Variants in EVC2 observed in about 807,000 individuals in gnomAD.
The protein encoded by EVC2 is EvC ciliary complex subunit 2.
In EVC2, 148 loss-of-function variants were observed where a neutral mutation model predicts 149.3. That is an observed-to-expected ratio of 0.99 (90% confidence interval 0.87 to 1.14). EVC2 has a LOEUF of 1.14. EVC2 is among the 50% of genes most tolerant of loss of function. The probability of loss-of-function intolerance (pLI) is 0.00; values close to 1 mark genes in which losing one functional copy is unlikely to be tolerated. For missense variants in EVC2, 1,854 were observed against 1,627.3 expected (o/e 1.14, Z -2.40); for synonymous variants, 776 against 649.9 (o/e 1.19, Z -2.95).
intron 13 of EVC2, among the ~76,000 whole-genome samples, chr4:5,623,491 C>A: frequency 6.6e-6 from 1 of 151,990 alleles, no homozygotes; most frequent in East Asian, 1.9e-4. Context: ...AGGTGTGTAC[C>A]ACCACACCCA....
chr4:5,552,995 A>T (rs531710686), intron 21 of EVC2, among the ~76,000 whole-genome samples: 85 of 152,330 alleles, frequency 5.6e-4, no homozygotes, highest in African/African-American at 2.0e-3. Context: ...TGTGTGATAG[A>T]TCAGCTAGAG....
chr4:5,692,857 G>C (rs1721209493), intron 3 of EVC2, among the ~76,000 whole-genome samples: 1 of 116,566 alleles, frequency 8.6e-6, no homozygotes, highest in Non-Finnish European at 1.6e-5. Context: ...CTGGGCGACA[G>C]AGCGAGACTC....
intron 1 of EVC2, among the ~76,000 whole-genome samples, chr4:5,701,792 T>G (rs1004266074): frequency 6.6e-6 from 1 of 152,252 alleles, no homozygotes; most frequent in African/African-American, 2.4e-5. Flanking sequence ...TCCTTTCTCC[T>G]ATTGGCTCAG....
At chr4:5,606,245 A>G (rs1305822654) in intron 16 of EVC2, among the ~76,000 whole-genome samples, 1 of 152,248 alleles carries the variant, frequency 6.6e-6, no homozygotes, top group Non-Finnish European at 1.5e-5. Context: ...ACTCAGCGGA[A>G]AACACCCAGC....
In EVC2 at chr4:5,670,475, C is replaced by T. The variant is rs1382045006; in HGVS notation, c.871-4826G>A. Among the ~76,000 whole-genome samples, 2 of 151,840 alleles carry T rather than the reference C, an allele frequency of 1.3e-5. No individual in the cohort carries two copies. The highest frequency in any genetic ancestry group is 2.9e-5 in the Non-Finnish European group (2 of 67,960). On this transcript the variant is annotated intron_variant, in intron 7 of 21. Transcript: ENST00000344408. The surrounding 1 kb of genome is among the most constrained non-coding windows in gnomAD (Gnocchi z 5.2). ...AGGATCACCATCAAATTCATCATCA[C>T]CATCCCCACCATCACCATCACCACC...
At chr4:5,558,079 T>C (rs989561845), downstream of EVC2, among the ~76,000 whole-genome samples, 3 of 152,294 alleles carry the variant, frequency 2.0e-5, no homozygotes, top group Non-Finnish European at 2.9e-5. Flanking sequence ...CTGAAGTTTA[T>C]ATGGAATGCC....
chr4:5,661,294 G>A (rs924292454), intron 9 of EVC2, among the ~76,000 whole-genome samples: 5 of 152,190 alleles, frequency 3.3e-5, no homozygotes, highest in African/African-American at 1.2e-4. Flanking sequence ...TGATCTGGGA[G>A]AAATGAAGCC....
chr4:5,681,337 C>A (rs754985133), intron 6 of EVC2, 24 bp from the exon 7 acceptor site: 2 of 1,613,908 alleles, frequency 1.2e-6, no homozygotes, highest in Non-Finnish European at 1.7e-6. Context: ...AAAGAAAACA[C>A]TTTCAGCAAC....
intron 9 of EVC2, among the ~76,000 whole-genome samples, chr4:5,649,762 C>T (rs776004371): frequency 1.1e-4 from 17 of 152,144 alleles, no homozygotes; most frequent in Non-Finnish European, 2.1e-4. Context: ...CTATTCAATA[C>T]GAGTGAAACT....
chr4:5,669,514 T>C (rs1719491515), intron 7 of EVC2, among the ~76,000 whole-genome samples: 1 of 152,174 alleles, frequency 6.6e-6, no homozygotes, highest in Non-Finnish European at 1.5e-5. Context: ...AGTCCTAATC[T>C]CCCACACCAT....
chr4:5,543,278 C>A (rs942435777), intron 21 of EVC2: 1 of 1,096,836 alleles, frequency 9.1e-7, no homozygotes, highest in Non-Finnish European at 1.2e-6. Context: ...TGTACCATCA[C>A]CATCCACCCC....
In EVC2 at chr4:5,576,097, A is replaced by T. The variant is rs959606520; in HGVS notation, c.3272+143T>A. 2.6e-4 allele frequency: 340 copies of T among 1,292,738 alleles called. 3 individuals carry two copies. Among genetic ancestry groups the T allele is most frequent in the Middle Eastern group, 1.9e-3 (8 of 4,132 alleles). 80.1% of individuals were successfully genotyped at this position (1,292,738 alleles called of 1,614,324 possible). On this transcript the variant is annotated intron_variant, in intron 18 of 21. Coordinates refer to ENST00000344408, the MANE Select transcript of EVC2 (RefSeq NM_147127.5). The surrounding 1 kb of genome is among the most constrained non-coding windows in gnomAD (Gnocchi z 4.5). ...AGAAAGAGTATGCTACAAAGCCAGC[A>T]GCTCGTGTTGGAGCAATGGGATGAC...
chr4:5,638,819 G>T (rs73063787), intron 10 of EVC2, among the ~76,000 whole-genome samples: 2 of 152,116 alleles, frequency 1.3e-5, no homozygotes, highest in African/African-American at 4.8e-5. Flanking sequence ...TTTAAGTGAC[G>T]CAGTTACAAC....
intron 1 of EVC2, among the ~76,000 whole-genome samples, chr4:5,704,892 A>G (rs1722037535): frequency 6.9e-6 from 1 of 145,050 alleles, no homozygotes; most frequent in South Asian, 2.1e-4. Flanking sequence ...TATGTTTTGT[A>G]GAGATGGGGG....
At chr4:5,530,033 C>G in the EVC2 span, among the ~76,000 whole-genome samples, 1 of 152,116 alleles carries the variant, frequency 6.6e-6, no homozygotes, top group Admixed American at 6.5e-5. Context: ...CCAGGCTGGT[C>G]TTGAACTCCC....
intron 21 of EVC2, among the ~76,000 whole-genome samples, chr4:5,548,794 C>A (rs1482249782): frequency 1.3e-5 from 2 of 152,108 alleles, no homozygotes; most frequent in Non-Finnish European, 2.9e-5. Context: ...TTCATTTACA[C>A]AAATTTGGAA....
intron 5 of EVC2, among the ~76,000 whole-genome samples, chr4:5,687,541 A>G (rs1577254227): frequency 6.6e-6 from 1 of 152,086 alleles, no homozygotes. Context: ...AGGAAGGGGC[A>G]GGTAGTCTCT....
In EVC2 at chr4:5,657,368, C is replaced by A. The variant is rs368263364; in HGVS notation, c.1145+5739G>T. ...GACTCTGCCATCCTTCCTACCATGA[C>A]AGATGATGGCCCAACTCCTCTCCAG... On this transcript the variant is annotated intron_variant, in intron 9 of 21. Coordinates refer to ENST00000344408, the MANE Select transcript of EVC2 (RefSeq NM_147127.5). This position sits in a 1 kb window ranked among gnomAD's most constrained non-coding sequence, Gnocchi z 4.7. Among the ~76,000 whole-genome samples the A allele has an allele frequency of 1.3e-5, 2 of 152,102 alleles. No homozygotes were observed. Among genetic ancestry groups the A allele is most frequent in the South Asian group, 4.2e-4 (2 of 4,814 alleles).
chr4:5,621,894 G>T (rs1259887192), intron 14 of EVC2, among the ~76,000 whole-genome samples: 1 of 152,138 alleles, frequency 6.6e-6, no homozygotes, highest in Admixed American at 6.5e-5. Flanking sequence ...TCTAGTTACT[G>T]CAGCAGGAGT....
Sources: gnomAD v4.1 joint callset for allele counts (sites outside exome capture counted in the v4.1 genomes callset) on GRCh38, gnomAD v4.1.1 for gene constraint, Gnocchi (gnomAD v3.1) non-coding constraint, MANE v1.5 for transcripts, NCBI Gene and HGNC (gene_info 2026-07-23, HGNC 2026-07-21) for gene names.